The following IPO11 variants were observed in gnomAD, a reference collection of about 807,000 sequenced individuals.
The protein encoded by IPO11 is importin-11.
Under a neutral mutation model 143.2 loss-of-function variants are expected in IPO11, and 66 were observed. The ratio of observed to expected loss-of-function variants is 0.46; its 90% CI spans 0.38 to 0.57. IPO11 has a LOEUF of 0.57. Among genes scored for constraint, IPO11 ranks in the 20% least tolerant of loss-of-function variants. IPO11 has a pLI of 0.00. For synonymous variants in IPO11, 385 were observed against 377.8 expected, an observed-to-expected ratio of 1.02 and a Z score of -0.22; for missense variants, 1,026 against 1,141.0, an observed-to-expected ratio of 0.90 and a Z score of 1.45.
chr5:62,485,307 C>G, intron 11 of IPO11, 112 bp from the exon 12 acceptor site: 2 of 815,238 alleles, frequency 2.5e-6, no homozygotes, highest in African/African-American at 3.4e-5. Context: ...AGGCTTTGCT[C>G]TTAATGTTAT....
At chr5:62,601,215 G>A (rs1745494346) in intron 28 of IPO11, 1 of 152,210 alleles carries the variant, frequency 6.6e-6, no homozygotes, top group African/African-American at 2.4e-5. Context: ...TCTGCTAATA[G>A]TAAAGAGCAT....
intron 19 of IPO11, among the ~76,000 whole-genome samples, chr5:62,506,948 A>G (rs553438203): frequency 6.6e-6 from 1 of 152,288 alleles, no homozygotes; most frequent in Admixed American, 6.5e-5. Context: ...TTTGCATTGT[A>G]TTAGGAAAGA....
At chr5:62,497,412 T>C (rs1741194067) in intron 16 of IPO11, among the ~76,000 whole-genome samples, 1 of 152,186 alleles carries the variant, frequency 6.6e-6, no homozygotes, top group Admixed American at 6.5e-5. Context: ...CTCTTTCTCT[T>C]TCCAGTCTCA....
chr5:62,483,471 A>G (rs1050960280), intron 10 of IPO11, 178 bp downstream of exon 10: 5 of 488,458 alleles, frequency 1.0e-5, no homozygotes, highest in Admixed American at 3.9e-5. Flanking sequence ...TTTAAAAACA[A>G]CATAGTGCAT....
chr5:62,437,605 T>C (rs973811040), intron 2 of IPO11, among the ~76,000 whole-genome samples, 188 bp downstream of exon 2: 1 of 152,188 alleles, frequency 6.6e-6, no homozygotes, highest in African/African-American at 2.4e-5. Context: ...TTGATAAATA[T>C]AAAAATAAGC....
At chr5:62,546,118 A>G (rs181755865) in intron 24 of IPO11, among the ~76,000 whole-genome samples, 8 of 152,362 alleles carry the variant, frequency 5.3e-5, no homozygotes, top group Non-Finnish European at 1.0e-4. Flanking sequence ...AAAGGATTAT[A>G]TATCATGCTG....
intron 27 of IPO11, chr5:62,580,368 C>A: frequency 1.3e-6 from 2 of 1,547,032 alleles, no homozygotes; most frequent in Non-Finnish European, 1.7e-6. Flanking sequence ...TAGATAGAAA[C>A]AGAATAATTA....
chr5:62,610,915 T>C (rs183729592), intron 29 of IPO11, among the ~76,000 whole-genome samples: 244 of 152,308 alleles, frequency 1.6e-3, no homozygotes, highest in Middle Eastern at 6.8e-3. Flanking sequence ...GTGTTAGATA[T>C]CATTAACTTA....
chr5:62,586,473 A>G (rs1474816882), intron 27 of IPO11, among the ~76,000 whole-genome samples: 1 of 152,050 alleles, frequency 6.6e-6, no homozygotes, highest in East Asian at 1.9e-4. Flanking sequence ...TTTTCAAATA[A>G]CTTTGGTAAC....
intron 3 of IPO11, among the ~76,000 whole-genome samples, chr5:62,447,687 G>A (rs1744767191): frequency 1.3e-5 from 2 of 151,906 alleles, no homozygotes; most frequent in Non-Finnish European, 2.9e-5. Context: ...TCAGGCTCCA[G>A]TGATCCTCCC....
chr5:62,494,714 A>G (rs1211004239), intron 16 of IPO11, among the ~76,000 whole-genome samples: 3 of 152,124 alleles, frequency 2.0e-5, no homozygotes, highest in African/African-American at 4.8e-5. Context: ...AAGAAGTTTA[A>G]ATTGTAAAGA....
chr5:62,571,580 A>AT (rs1744132113), intron 27 of IPO11, among the ~76,000 whole-genome samples: 1 of 152,330 alleles, frequency 6.6e-6, no homozygotes, highest in African/African-American at 2.4e-5. Context: ...CAAGAAGTAA[A>AT]TAATAACTAA....
In IPO11 at chr5:62,484,104, T is replaced by G. The variant is rs761970864; in HGVS notation, c.1116T>G (p.His372Gln). 3 of 1,610,692 alleles carry G rather than the reference T, an allele frequency of 1.9e-6. No homozygotes were observed. The South Asian group carries it at 3.3e-5, about 18-fold the overall frequency. ...AGATATGTAGAAGATTAGTCTCTCA[T>G]TATTTCCTATTAACTGAAGAAGAAC... ...LTEICRRLVS[H>Q]YFLLTEEELT... Residue 372 changes from histidine (H) to glutamine (Q), a missense_variant, in exon 11 of 30, where the codon CAT becomes CAG. His to Gln is a conservative substitution (Grantham distance 24, BLOSUM62 0). Around this residue, in one of 5 missense-constraint regions of IPO11, gnomAD observed 429 missense variants for 456.3 expected, o/e 0.94. Coordinates refer to ENST00000325324, the MANE Select transcript of IPO11 (RefSeq NM_016338.5).
intron 18 of IPO11, 112 bp from the exon 19 acceptor site, chr5:62,506,129 T>C: frequency 1.8e-6 from 1 of 549,680 alleles, no homozygotes; most frequent in Non-Finnish European, 3.2e-6. Flanking sequence ...TGGCTGTTTA[T>C]TTGACTTACT....
At chr5:62,426,843 A>G (rs990972726) in intron 1 of IPO11, among the ~76,000 whole-genome samples, 111 of 149,266 alleles carry the variant, frequency 7.4e-4, no homozygotes, top group Non-Finnish European at 1.5e-3. Context: ...TCTAGTTACA[A>G]AACAGACTAA....
At chr5:62,612,960 G>T (rs1273960196) in intron 29 of IPO11, among the ~76,000 whole-genome samples, 1 of 152,240 alleles carries the variant, frequency 6.6e-6, no homozygotes, top group African/African-American at 2.4e-5. Flanking sequence ...TGAAGGATAT[G>T]TGTTTTTGAA....
rs181822667 is a variant in IPO11, at chr5:62,558,230, C to T, written c.2461-2906C>T. 7.2e-5 allele frequency among the ~76,000 whole-genome samples: 11 copies of T among 152,170 alleles called. No homozygotes were observed. The East Asian group carries it at 2.1e-3, about 29-fold the overall frequency. ...TTTTACTGTAAAAAATTGAGCATTC[C>T]TTTTAAGTATTGTAAACACATGTTT... On this transcript the variant is annotated intron_variant, in intron 26 of 29. Transcript: ENST00000325324.
At chr5:62,619,441 G>A (rs1410701272) in intron 29 of IPO11, among the ~76,000 whole-genome samples, 1 of 152,094 alleles carries the variant, frequency 6.6e-6, no homozygotes, top group Non-Finnish European at 1.5e-5. Flanking sequence ...TGCAAAAAAT[G>A]TAAATTACTA....
intron 8 of IPO11, among the ~76,000 whole-genome samples, chr5:62,475,455 G>A (rs1289566614): frequency 6.6e-6 from 1 of 152,108 alleles, no homozygotes; most frequent in African/African-American, 2.4e-5. Context: ...AGGCTGCAGT[G>A]AGCAGTGATC....
Sources: allele counts gnomAD v4.1 joint callset (sites outside exome capture counted in the v4.1 genomes callset), GRCh38; gene constraint gnomAD v4.1.1; regional missense constraint gnomAD v4.1.1; transcripts MANE v1.5; gene names NCBI Gene and HGNC (gene_info 2026-07-23, HGNC 2026-07-21).